The following AIG1 variants were observed in gnomAD, a reference collection of about 807,000 sequenced individuals.
AIG1 encodes the protein androgen-induced gene 1 protein.
AIG1 carries 23 observed loss-of-function variants against 31.4 expected under a neutral mutation model. The ratio of observed to expected loss-of-function variants is 0.73; its 90% confidence interval spans 0.53 to 1.04. The LOEUF (loss-of-function observed/expected upper bound fraction) is 1.04, where lower values mean the gene tolerates loss of function less well. AIG1 is among the 50% of genes least tolerant of loss of function. AIG1 has a pLI of 0.00. For missense variants in AIG1, 274 were observed against 295.0 expected (o/e 0.93, Z 0.52); for synonymous variants, 100 against 110.5 (o/e 0.90, Z 0.60).
intron 1 of AIG1, among the ~76,000 whole-genome samples, chr6:143,097,150 G>T (rs1324825338): frequency 6.6e-6 from 1 of 151,628 alleles, no homozygotes; most frequent in Non-Finnish European, 1.5e-5. Context: ...AAGGAAAAGT[G>T]AAGTTTTTTG....
At chr6:143,093,109 T>A (rs1196220256) in intron 1 of AIG1, among the ~76,000 whole-genome samples, 1 of 152,182 alleles carries the variant, frequency 6.6e-6, no homozygotes, top group Non-Finnish European at 1.5e-5. Context: ...AAGCCAGGCA[T>A]TGACTTCTCA....
chr6:143,286,440 T>C (rs189070411), intron 4 of AIG1, among the ~76,000 whole-genome samples: 33 of 152,322 alleles, frequency 2.2e-4, no homozygotes, highest in Non-Finnish European at 4.4e-4. Flanking sequence ...CAAAGTAGAC[T>C]TTTTCCTTTG....
chr6:143,264,643 G>T (rs1309323278), intron 3 of AIG1, among the ~76,000 whole-genome samples: 1 of 152,144 alleles, frequency 6.6e-6, no homozygotes, highest in Non-Finnish European at 1.5e-5. Context: ...TCCCCAGTTG[G>T]AAATTGGCAC....
chr6:143,166,770 A>G (rs1371516277), intron 3 of AIG1, among the ~76,000 whole-genome samples: 1 of 152,206 alleles, frequency 6.6e-6, no homozygotes, highest in South Asian at 2.1e-4. Flanking sequence ...TGTATCATTA[A>G]ATTTTCACAG....
intron 1 of AIG1, among the ~76,000 whole-genome samples, chr6:143,135,093 T>G (rs1263169529): frequency 2.6e-5 from 4 of 152,164 alleles, no homozygotes; most frequent in Non-Finnish European, 5.9e-5. Flanking sequence ...TTTCTGGTTG[T>G]TCTACATCTT....
chr6:143,258,342 T>C lies in AIG1; in HGVS notation c.400-25768T>C, dbSNP rs1317112928. Among the ~76,000 whole-genome samples the C allele has an allele frequency of 2.0e-5, 3 of 151,396 alleles. No homozygotes were observed. Among genetic ancestry groups the C allele is most frequent in the African/African-American group, 7.2e-5 (3 of 41,570 alleles). On this transcript the variant is annotated intron_variant, in intron 3 of 5. Coordinates refer to ENST00000357847, the MANE Select transcript of AIG1 (RefSeq NM_016108.4). The surrounding 1 kb of genome is among the most constrained non-coding windows in gnomAD (Gnocchi z 4.7). Reference sequence around the variant, plus strand: ...TGAATTTTGTGAACAATCACCAGCATATTATAATTCAAATCATCAGTAGAA... The same window carrying C: ...TGAATTTTGTGAACAATCACCAGCACATTATAATTCAAATCATCAGTAGAA...
rs987156178 is a variant in AIG1, at chr6:143,325,900, A to G, written c.516-7382A>G. Among the ~76,000 whole-genome samples the G allele has an allele frequency of 1.3e-5, 2 of 152,166 alleles. No homozygotes were observed. Among genetic ancestry groups the G allele is most frequent in the Non-Finnish European group, 2.9e-5 (2 of 68,024 alleles). On this transcript the variant is annotated intron_variant, in intron 4 of 5. Transcript: ENST00000357847. The surrounding 1 kb of genome is among the most constrained non-coding windows in gnomAD (Gnocchi z 4.3). ...AGGGAGGGAATACCTGATGTGTAAC[A>G]TTTGCCCATATCCTTGGTGTGACTA...
intron 3 of AIG1, among the ~76,000 whole-genome samples, chr6:143,257,183 G>T (rs1394971688): frequency 6.6e-6 from 1 of 152,208 alleles, no homozygotes; most frequent in East Asian, 1.9e-4. Context: ...GTCCATGCCC[G>T]ATGGCTTTCA....
upstream of AIG1, among the ~76,000 whole-genome samples, chr6:143,059,613 T>C (rs1404390375): frequency 6.6e-6 from 1 of 152,144 alleles, no homozygotes. Flanking sequence ...TAATGCCAAT[T>C]AAAAAAATCT....
In AIG1 at chr6:143,253,902, C is replaced by A. The variant is rs543313066; in HGVS notation, c.400-30208C>A. Among the ~76,000 whole-genome samples the A allele has an allele frequency of 2.6e-5, 4 of 152,322 alleles. No homozygotes were observed. The East Asian group carries it at 7.7e-4, about 29-fold the overall frequency. On this transcript the variant is annotated intron_variant, in intron 3 of 5. Transcript: ENST00000357847. ...TCCCTACAGCACAATATGAAAGAAT[C>A]TCCCTATTAGGCTGGCAGTAGAAAT...
Position 143,339,806 on chromosome 6 carries a change from A to C in AIG1, c.*130A>C. 1.3e-6 allele frequency: 1 copy of C among 778,328 alleles called. No individual in the cohort carries two copies. The highest frequency in any genetic ancestry group is 2.0e-6 in the Non-Finnish European group (1 of 488,662). 48.2% of individuals were successfully genotyped at this position (778,328 alleles called of 1,614,324 possible). On this transcript the variant is annotated 3_prime_UTR_variant, in exon 6 of 6. Transcript: ENST00000357847. Reference sequence around the variant, plus strand: ...TCAGCACCCCCCTCCCCCAATGAGGACACCTTTTATATATAAATATGTATA... The same window carrying C: ...TCAGCACCCCCCTCCCCCAATGAGGCCACCTTTTATATATAAATATGTATA...
rs754475561 is a variant in AIG1 at position 143,189,673 on chromosome 6, C to T, written c.399+24490C>T. On this transcript the variant is annotated intron_variant, in intron 3 of 5. Coordinates refer to ENST00000357847, the MANE Select transcript of AIG1 (RefSeq NM_016108.4). ...ATTTGCTTTAAATTGCAGTATCATCCTTTTTTTCTGTACCTAAATGTTTTT... is the reference window on the plus strand; with the variant it reads ...ATTTGCTTTAAATTGCAGTATCATCTTTTTTTTCTGTACCTAAATGTTTTT... The T allele has an allele frequency of 6.2e-4, 608 of 985,124 alleles. 4 individuals are homozygous for T. The highest frequency in any genetic ancestry group is 7.2e-4 in the Non-Finnish European group (594 of 829,894). The allele number at this position is 985,124 out of a possible 1,614,324, so 61.0% of individuals were successfully genotyped here. A position where few individuals can be genotyped will look rare whatever the true frequency, so the allele number is the denominator to read the frequency against.
intron 3 of AIG1, among the ~76,000 whole-genome samples, chr6:143,233,536 A>G (rs569890472): frequency 7.9e-5 from 12 of 151,000 alleles, no homozygotes; most frequent in South Asian, 2.1e-4. Context: ...GTAGGTTCAG[A>G]GAGACTCTGG....
intron 2 of AIG1, among the ~76,000 whole-genome samples, chr6:143,163,080 A>G (rs765348818): frequency 4.6e-5 from 7 of 152,138 alleles, no homozygotes; most frequent in Non-Finnish European, 1.0e-4. Context: ...GATCCTGCAT[A>G]TTTAAAAGCT....
chr6:143,085,460 A>G (rs1417282107), intron 1 of AIG1, among the ~76,000 whole-genome samples: 1 of 152,042 alleles, frequency 6.6e-6, no homozygotes, highest in Non-Finnish European at 1.5e-5. Context: ...AGGCTGCTGG[A>G]TTCTAGTGGT....
intron 2 of AIG1, among the ~76,000 whole-genome samples, chr6:143,148,317 A>AACCAAACCCTGT: frequency 1.4e-5 from 2 of 148,058 alleles, no homozygotes; most frequent in South Asian, 2.2e-4. Flanking sequence ...CCTGGGGAAC[A>AACCAAACCCTGT]TAGTGAGATC....
intron 1 of AIG1, among the ~76,000 whole-genome samples, chr6:143,089,253 A>G (rs1254174524): frequency 6.6e-6 from 1 of 152,090 alleles, no homozygotes; most frequent in Non-Finnish European, 1.5e-5. Context: ...TATACTACCA[A>G]TTTATTAGAG....
chr6:143,106,923 A>G lies in AIG1; in HGVS notation c.142-29912A>G, dbSNP rs147407097. Among the ~76,000 whole-genome samples the G allele has an allele frequency of 1.2e-3, 187 of 152,310 alleles. 2 individuals carry two copies. In the East Asian group the frequency reaches 0.031, roughly 25 times the overall value. On this transcript the variant is annotated intron_variant, in intron 1 of 5. Transcript: ENST00000357847. ...GAAGGCTCTCTCTCGGGCCTCTTTT[A>G]TAAGGACACTAATACCATTTATGAG... is the stretch of plus-strand genomic sequence containing the variant.
chr6:143,082,510 A>G (rs979573741), intron 1 of AIG1, among the ~76,000 whole-genome samples: 11 of 152,202 alleles, frequency 7.2e-5, no homozygotes, highest in African/African-American at 2.7e-4. Context: ...CCCGATATTT[A>G]AGCAAACGGT....
Sources: allele counts gnomAD v4.1 joint callset (sites outside exome capture counted in the v4.1 genomes callset), GRCh38; gene constraint gnomAD v4.1.1; non-coding constraint Gnocchi (gnomAD v3.1); transcripts MANE v1.5; gene names NCBI Gene and HGNC (gene_info 2026-07-23, HGNC 2026-07-21).